Variants in MAGI2 observed in about 807,000 individuals in gnomAD.
MAGI2 encodes membrane-associated guanylate kinase, WW and PDZ domain-containing protein 2.
Under a neutral mutation model 133.3 loss-of-function variants are expected in MAGI2, and 35 were observed. The ratio of observed to expected loss-of-function variants is 0.26; its 90% CI spans 0.20 to 0.35. The LOEUF (loss-of-function observed/expected upper bound fraction) is 0.35. Among genes scored for constraint, MAGI2 ranks in the 10% least tolerant of loss-of-function variants. The pLI, the probability that MAGI2 is intolerant of heterozygous loss-of-function variation, is 1.00. For synonymous variants in MAGI2, 729 were observed against 710.6 expected (o/e 1.03, Z -0.41); for missense variants, 1,636 against 1,863.4 (o/e 0.88, Z 2.25).
chr7:79,165,087 C>T (rs1824782992), intron 1 of MAGI2, among the ~76,000 whole-genome samples: 2 of 151,790 alleles, frequency 1.3e-5, no homozygotes, highest in African/African-American at 2.4e-5. Flanking sequence ...ATCATAGCCA[C>T]AATAAATATT....
intron 16 of MAGI2, among the ~76,000 whole-genome samples, chr7:78,159,524 C>T (rs1824754200): frequency 6.6e-6 from 1 of 152,222 alleles, no homozygotes; most frequent in Non-Finnish European, 1.5e-5. Flanking sequence ...CTCTCCCTTG[C>T]TCCCCGTACT....
intron 1 of MAGI2, among the ~76,000 whole-genome samples, chr7:79,165,716 C>T (rs1824840406): frequency 6.6e-6 from 1 of 152,054 alleles, no homozygotes; most frequent in South Asian, 2.1e-4. Context: ...CAGTTTTCTT[C>T]TTAAATAACA....
At chr7:78,424,362 C>T (rs1156244615) in intron 6 of MAGI2, among the ~76,000 whole-genome samples, 2 of 152,292 alleles carry the variant, frequency 1.3e-5, no homozygotes, top group East Asian at 1.9e-4. Context: ...TATGGAAATG[C>T]CTGGATGCCC....
intron 1 of MAGI2, among the ~76,000 whole-genome samples, chr7:79,417,420 A>G (rs2129176517): frequency 6.6e-6 from 1 of 152,244 alleles, no homozygotes. Flanking sequence ...CTTTGCATTC[A>G]TATCTTGAAT....
intron 13 of MAGI2, among the ~76,000 whole-genome samples, chr7:78,182,168 C>T (rs1182280445): frequency 6.6e-6 from 1 of 152,062 alleles, no homozygotes; most frequent in East Asian, 1.9e-4. Flanking sequence ...AAGAGCATCA[C>T]TTTTTGGGCT....
At position 78,727,655 on chromosome 7, in the gene MAGI2, A is replaced by G. The variant is rs1373589784; in HGVS notation, c.419-100416T>C. 3.3e-5 allele frequency among the ~76,000 whole-genome samples: 5 copies of G among 152,198 alleles called. No individual in the cohort carries two copies. The East Asian group carries it at 9.6e-4, about 29-fold the overall frequency. On this transcript the variant is annotated intron_variant, in intron 2 of 21. Coordinates refer to ENST00000354212, the MANE Select transcript of MAGI2 (RefSeq NM_012301.4). ...AGGATATTGTGAGGTTTTCATTTTG[A>G]CTTTTTAAATGTGAATGGTAACACT...
intron 1 of MAGI2, among the ~76,000 whole-genome samples, chr7:79,416,650 A>C (rs1167298361): frequency 6.6e-6 from 1 of 151,966 alleles, no homozygotes; most frequent in Non-Finnish European, 1.5e-5. Context: ...AATTGGAAAA[A>C]TACAGATAAT....
intron 9 of MAGI2, among the ~76,000 whole-genome samples, chr7:78,273,372 T>C (rs1395951548): frequency 1.3e-5 from 2 of 152,222 alleles, no homozygotes; most frequent in African/African-American, 2.4e-5. Flanking sequence ...CTTAACATTT[T>C]TTCCTTCATT....
intron 1 of MAGI2, among the ~76,000 whole-genome samples, chr7:79,104,540 G>T (rs1023861502): frequency 9.9e-5 from 15 of 152,010 alleles, no homozygotes; most frequent in Middle Eastern, 3.4e-3. Flanking sequence ...GGTGGGACGC[G>T]CCTGTAGTCC....
chr7:78,296,531 T>C (rs1386539037), intron 9 of MAGI2, among the ~76,000 whole-genome samples: 2 of 152,204 alleles, frequency 1.3e-5, no homozygotes, highest in African/African-American at 2.4e-5. Flanking sequence ...ATTCTCTCTC[T>C]CCCACTAAAA....
intron 1 of MAGI2, among the ~76,000 whole-genome samples, chr7:79,306,600 C>T (rs1429453930): frequency 6.6e-6 from 1 of 152,038 alleles, no homozygotes; most frequent in Non-Finnish European, 1.5e-5. Context: ...TGTCATGATG[C>T]AGATTTTTTT....
intron 1 of MAGI2, among the ~76,000 whole-genome samples, chr7:79,345,815 G>T (rs973391160): frequency 1.3e-5 from 2 of 152,026 alleles, no homozygotes; most frequent in Non-Finnish European, 2.9e-5. Flanking sequence ...TTAAGTGTAT[G>T]CCTGAGTTCA....
intron 3 of MAGI2, among the ~76,000 whole-genome samples, chr7:78,565,505 T>C (rs17438614): frequency 0.088 from 13,294 of 151,830 alleles, 790 homozygotes; most frequent in Middle Eastern, 0.14. Context: ...AATTAATATA[T>C]GTAAGATGTT....
intron 2 of MAGI2, among the ~76,000 whole-genome samples, chr7:78,717,280 C>T (rs1478665997): frequency 6.6e-6 from 1 of 151,416 alleles, no homozygotes; most frequent in Non-Finnish European, 1.5e-5. Context: ...ACACAGCACA[C>T]ACACACACAC....
At chr7:78,523,168 A>G (rs1324451890) in intron 3 of MAGI2, among the ~76,000 whole-genome samples, 1 of 152,148 alleles carries the variant, frequency 6.6e-6, no homozygotes, top group African/African-American at 2.4e-5. Flanking sequence ...TTTTTATATA[A>G]CTACAAGCAA....
intron 2 of MAGI2, among the ~76,000 whole-genome samples, chr7:78,638,215 A>G (rs562057064): frequency 6.6e-6 from 1 of 152,360 alleles, no homozygotes; most frequent in African/African-American, 2.4e-5. Context: ...TTTCAATTTT[A>G]AGGCTTCTAC....
intron 1 of MAGI2, among the ~76,000 whole-genome samples, chr7:79,186,226 A>ATATATATATT (rs1827110108): frequency 1.7e-5 from 1 of 60,338 alleles, no homozygotes; most frequent in South Asian, 5.6e-4. Flanking sequence ...ATATATATAT[A>ATATATATATT]TATATATATA....
intron 2 of MAGI2, among the ~76,000 whole-genome samples, chr7:78,865,338 T>C (rs1187987041): frequency 2.6e-5 from 4 of 152,064 alleles, no homozygotes; most frequent in Non-Finnish European, 5.9e-5. Flanking sequence ...GAAGAGTGCT[T>C]TGTGAGGAAG....
At chr7:78,580,859 C>T (rs2150808819) in intron 3 of MAGI2, among the ~76,000 whole-genome samples, 1 of 152,294 alleles carries the variant, frequency 6.6e-6, no homozygotes, top group South Asian at 2.1e-4. Flanking sequence ...TCTGTCCTGT[C>T]TGGGTCTACT....
Sources: gnomAD v4.1 joint callset for allele counts (sites outside exome capture counted in the v4.1 genomes callset) on GRCh38, gnomAD v4.1.1 for gene constraint, MANE v1.5 for transcripts, NCBI Gene and HGNC (gene_info 2026-07-23, HGNC 2026-07-21) for gene names.